The following PRKG1 variants were observed in gnomAD, a reference collection of about 807,000 sequenced individuals.
PRKG1 encodes cGMP-dependent protein kinase 1.
A neutral mutation model predicts 88.1 loss-of-function variants in PRKG1; 35 were observed. That is an observed-to-expected ratio of 0.40 (90% CI 0.30 to 0.53). The LOEUF is 0.53. Ranked by LOEUF, PRKG1 falls within the 20% of genes least tolerant of loss-of-function variation. The probability of loss-of-function intolerance (pLI) is 0.59; values close to 1 mark genes in which losing one functional copy is unlikely to be tolerated. For missense variants in PRKG1, 540 were observed against 839.8 expected (o/e 0.64, Z 4.41); for synonymous variants, 303 against 292.5 (o/e 1.04, Z -0.37).
At position 51,195,033 on chromosome 10, in the gene PRKG1, C is replaced by T. The variant is rs117582713; in HGVS notation, c.478+41703C>T. ...CCAACACGTGAACTTTGGAGGGACA[C>T]GTTCAAACCGTAGACTTGTGCTAAA... On this transcript the variant is annotated intron_variant, in intron 2 of 17. Transcript: ENST00000373980. 5.4e-3 allele frequency among the ~76,000 whole-genome samples: 829 copies of T among 152,302 alleles called. 3 individuals are homozygous for T. The highest frequency in any genetic ancestry group is 8.8e-3 in the Non-Finnish European group (599 of 68,026).
intron 3 of PRKG1, among the ~76,000 whole-genome samples, chr10:51,668,909 G>A (rs938325794): frequency 6.6e-6 from 1 of 152,044 alleles, no homozygotes. Flanking sequence ...GGTAGCTTTA[G>A]ACGGAAGTGC....
intron 4 of PRKG1, among the ~76,000 whole-genome samples, chr10:51,837,184 T>C (rs1280068515): frequency 6.6e-6 from 1 of 152,120 alleles, no homozygotes; most frequent in Non-Finnish European, 1.5e-5. Flanking sequence ...AATATAGAGA[T>C]TGTCAAAGCA....
intron 3 of PRKG1, among the ~76,000 whole-genome samples, chr10:51,543,679 T>G (rs1454700978): frequency 6.6e-6 from 1 of 152,198 alleles, no homozygotes; most frequent in African/African-American, 2.4e-5. Context: ...CCTGCTCTGC[T>G]GTGAAGACTA....
intron 2 of PRKG1, among the ~76,000 whole-genome samples, chr10:51,381,344 AAATGAGTGAGTG>A (rs1485440896): frequency 6.7e-6 from 1 of 150,320 alleles, no homozygotes; most frequent in African/African-American, 2.4e-5. Flanking sequence ...GAAATGATGT[AAATGAGTGAGTG>A]AATGAATGAA....
chr10:51,505,291 T>A (rs1841163332), intron 3 of PRKG1, among the ~76,000 whole-genome samples: 1 of 152,218 alleles, frequency 6.6e-6, no homozygotes, highest in Non-Finnish European at 1.5e-5. Flanking sequence ...TTGCATATAT[T>A]GAACCAGCCT....
intron 4 of PRKG1, among the ~76,000 whole-genome samples, chr10:51,874,706 T>G (rs1447918063): frequency 6.6e-6 from 1 of 152,216 alleles, no homozygotes; most frequent in Non-Finnish European, 1.5e-5. Flanking sequence ...TGGTAGAATA[T>G]GTAGTGAAAT....
At chr10:52,033,045 G>A (rs1436064257) in intron 5 of PRKG1, among the ~76,000 whole-genome samples, 1 of 152,134 alleles carries the variant, frequency 6.6e-6, no homozygotes, top group African/African-American at 2.4e-5. Context: ...AGCAGGGAGA[G>A]AGACTGGGTC....
intron 2 of PRKG1, among the ~76,000 whole-genome samples, chr10:51,221,614 A>G (rs1231835055): frequency 8.2e-6 from 1 of 122,658 alleles, no homozygotes; most frequent in African/African-American, 3.4e-5. Context: ...AATGTGTTCT[A>G]AAAAAAAAAA....
intron 4 of PRKG1, among the ~76,000 whole-genome samples, chr10:51,842,960 G>T (rs186333221): frequency 1.3e-5 from 2 of 151,876 alleles, no homozygotes; most frequent in African/African-American, 4.8e-5. Flanking sequence ...AATATGAACA[G>T]AACTTTGTTT....
intron 2 of PRKG1, among the ~76,000 whole-genome samples, chr10:51,319,629 G>C (rs1222028361): frequency 6.6e-6 from 1 of 152,164 alleles, no homozygotes; most frequent in Non-Finnish European, 1.5e-5. Context: ...TATCTCCCAG[G>C]CATCTTTCTA....
At chr10:51,502,872 C>T (rs1214538745) in intron 3 of PRKG1, among the ~76,000 whole-genome samples, 1 of 152,122 alleles carries the variant, frequency 6.6e-6, no homozygotes, top group Non-Finnish European at 1.5e-5. Flanking sequence ...ATTATCAGAT[C>T]CTGATGCTTG....
chr10:51,786,320 G>A (rs1027820254), intron 3 of PRKG1, among the ~76,000 whole-genome samples: 1 of 152,094 alleles, frequency 6.6e-6, no homozygotes, highest in Non-Finnish European at 1.5e-5. Flanking sequence ...GTGGCCTTGA[G>A]CTCGATAAAG....
chr10:51,014,158 A>G (rs937485838), intron 1 of PRKG1, among the ~76,000 whole-genome samples: 6 of 152,158 alleles, frequency 3.9e-5, no homozygotes, highest in African/African-American at 1.4e-4. Context: ...CTGTATCTGT[A>G]TGTATGTTGC....
chr10:51,530,512 C>G (rs1841991931), intron 3 of PRKG1, among the ~76,000 whole-genome samples: 2 of 152,134 alleles, frequency 1.3e-5, no homozygotes, highest in Admixed American at 6.6e-5. Flanking sequence ...CCAAATCACA[C>G]TCTTGTTATT....
rs75794712 is a variant in PRKG1, at chr10:51,039,100, G to A, written c.266+47456G>A. On this transcript the variant is annotated intron_variant, in intron 1 of 17. Transcript: ENST00000401604. ...TTCCTTTCTTTTGGGCATATACCTA[G>A]CAGTGGAATTGCTGGATTGTATAGT... 1.8e-3 allele frequency among the ~76,000 whole-genome samples: 281 copies of A among 152,296 alleles called. 12 individuals are homozygous for A. In the East Asian group the frequency reaches 0.05, roughly 27 times the overall value.
intron 2 of PRKG1, among the ~76,000 whole-genome samples, chr10:51,436,405 G>A (rs1033108186): frequency 2.0e-5 from 3 of 151,356 alleles, no homozygotes; most frequent in Admixed American, 6.6e-5. Flanking sequence ...GTTTTTTCTC[G>A]TCATCAACAT....
chr10:51,393,675 C>G (rs192734008), intron 2 of PRKG1, among the ~76,000 whole-genome samples: 1 of 152,190 alleles, frequency 6.6e-6, no homozygotes, highest in African/African-American at 2.4e-5. Context: ...CTCATAATCC[C>G]AAAGAATTTC....
At chr10:51,831,403 G>C (rs951442039) in intron 4 of PRKG1, among the ~76,000 whole-genome samples, 1 of 151,584 alleles carries the variant, frequency 6.6e-6, no homozygotes, top group East Asian at 1.9e-4. Context: ...GTAACATTCT[G>C]GTCTATTTTA....
chr10:51,412,683 A>T (rs1838127297), intron 2 of PRKG1, among the ~76,000 whole-genome samples: 1 of 152,062 alleles, frequency 6.6e-6, no homozygotes, highest in Non-Finnish European at 1.5e-5. Context: ...AAACCATCCT[A>T]AGGGTTCAAG....
Sources: allele counts gnomAD v4.1 joint callset (sites outside exome capture counted in the v4.1 genomes callset), GRCh38; gene constraint gnomAD v4.1.1; transcripts MANE v1.5; gene names NCBI Gene and HGNC (gene_info 2026-07-23, HGNC 2026-07-21).